APBB2: variants seen among roughly 807,000 people sequenced by gnomAD.
APBB2 encodes the protein Fe65-like 1.
A neutral mutation model predicts 82.5 loss-of-function variants in APBB2; 38 were observed. The ratio of observed to expected loss-of-function variants is 0.46; its 90% CI spans 0.36 to 0.60. The LOEUF is 0.60. APBB2 is among the 20% of genes least tolerant of loss of function. APBB2 has a pLI of 0.00. For synonymous variants in APBB2, 341 were observed against 368.2 expected, an observed-to-expected ratio of 0.93 and a Z score of 0.85; for missense variants, 772 against 972.3, an observed-to-expected ratio of 0.79 and a Z score of 2.74.
chr4:41,202,234 G>A lies in APBB2; in HGVS notation c.-417+12171C>T, dbSNP rs73810885. Among the ~76,000 whole-genome samples, 1,427 of 152,014 alleles carry A rather than the reference G, an allele frequency of 9.4e-3. 14 individuals carry two copies. Among genetic ancestry groups the A allele is most frequent in the African/African-American group, 0.032 (1,347 of 41,448 alleles). On this transcript the variant is annotated intron_variant, in intron 1 of 17. Transcript: ENST00000508593. ...AGTAACTCTCCATTCCTCCCTCCCCGCAACCTCTGGCAACTGCCATTCTAC... is the reference window on the plus strand; with the variant it reads ...AGTAACTCTCCATTCCTCCCTCCCCACAACCTCTGGCAACTGCCATTCTAC...
intron 6 of APBB2, among the ~76,000 whole-genome samples, chr4:40,984,584 T>G (rs1373744536): frequency 6.6e-6 from 1 of 152,134 alleles, no homozygotes; most frequent in Non-Finnish European, 1.5e-5. Flanking sequence ...AGAAATGGTT[T>G]TCTGGTTCAC....
chr4:41,118,065 T>C (rs1373103963), intron 2 of APBB2: 1 of 143,716 alleles, frequency 7.0e-6, no homozygotes, highest in East Asian at 2.0e-4. Flanking sequence ...AAAAAAAAAA[T>C]TAGCCAGGAG....
intron 6 of APBB2, among the ~76,000 whole-genome samples, chr4:40,965,204 T>C (rs1794385915): frequency 1.1e-5 from 1 of 92,294 alleles, no homozygotes; most frequent in African/African-American, 2.8e-5. Context: ...AGTAAACAAG[T>C]AAGTCCATTA....
At chr4:41,005,556 T>C (rs1374853431) in intron 6 of APBB2, among the ~76,000 whole-genome samples, 1 of 152,192 alleles carries the variant, frequency 6.6e-6, no homozygotes, top group Non-Finnish European at 1.5e-5. Context: ...GGGGGCTGCA[T>C]GCCCACCTCC....
Position 40,882,459 on chromosome 4 carries a change from G to A in APBB2, c.1529+7905C>T, listed in dbSNP as rs555034826. Among the ~76,000 whole-genome samples the A allele has an allele frequency of 7.9e-5, 12 of 152,334 alleles. No homozygotes were observed. The East Asian group carries it at 1.5e-3, about 20-fold the overall frequency. On this transcript the variant is annotated intron_variant, in intron 12 of 17. Coordinates refer to ENST00000508593, the MANE Select transcript of APBB2 (RefSeq NM_004307.2). ...CTGTGCTGGAATCTCTGAAGAAGCC[G>A]TGTGATGAAGCCAGTTCTGCATTTC...
intron 5 of APBB2, among the ~76,000 whole-genome samples, chr4:41,017,708 A>T (rs1196030446): frequency 2.0e-5 from 3 of 152,184 alleles, no homozygotes; most frequent in African/African-American, 7.2e-5. Flanking sequence ...GGGGCTGCCT[A>T]CCAGGGCCCC....
intron 10 of APBB2, among the ~76,000 whole-genome samples, chr4:40,894,491 CAG>C (rs1161171892): frequency 6.6e-6 from 1 of 152,112 alleles, no homozygotes; most frequent in African/African-American, 2.4e-5. Context: ...TTTCTAATAA[CAG>C]AGAAGCAAGG....
Position 40,983,093 on chromosome 4 carries a change from TG to T in APBB2, c.835+30489del, listed in dbSNP as rs1469254828. ...GAGCACTTACCATGAATTAACTAGA[TG>T]CTGTTCTAAGTACTTCATGTCTATT... On this transcript the variant is annotated intron_variant, in intron 6 of 17. Transcript: ENST00000508593. Among the ~76,000 whole-genome samples, 3 of 152,200 alleles carry T rather than the reference TG, an allele frequency of 2.0e-5. No homozygotes were observed. The East Asian group carries it at 5.8e-4, about 29-fold the overall frequency.
Position 40,931,796 on chromosome 4 carries a change from G to GC in APBB2, c.1254+2659dup, listed in dbSNP as rs755476832. On this transcript the variant is annotated intron_variant, in intron 10 of 17. Coordinates refer to ENST00000508593, the MANE Select transcript of APBB2 (RefSeq NM_004307.2). ...CTGATTATTCTCTTATATTTTCTGT[G>GC]CCCTTTTTTTTTTTTTAAAGTGTTT... Among the ~76,000 whole-genome samples, 7 of 149,092 alleles carry GC rather than the reference G, an allele frequency of 4.7e-5. No homozygotes were observed. In the East Asian group the frequency reaches 5.9e-4, roughly 12 times the overall value.
chr4:40,918,763 TTTTTTTTGTTTGTTTG>T (rs1264417768), intron 10 of APBB2, among the ~76,000 whole-genome samples: 2 of 144,784 alleles, frequency 1.4e-5, no homozygotes, highest in African/African-American at 5.5e-5. Flanking sequence ...TTCTCTGTTT[TTTTTTTTGTTTGTTTG>T]TTTTTGTTTT....
chr4:40,906,406 A>G (rs1402347347), intron 10 of APBB2, among the ~76,000 whole-genome samples: 3 of 147,336 alleles, frequency 2.0e-5, no homozygotes, highest in African/African-American at 7.6e-5. Flanking sequence ...GGCAGAGGCT[A>G]CAGTGAGCTG....
intron 2 of APBB2, among the ~76,000 whole-genome samples, chr4:41,109,331 G>A (rs983218885): frequency 6.7e-6 from 1 of 150,124 alleles, no homozygotes; most frequent in East Asian, 2.0e-4. Context: ...TTGCTCTGTC[G>A]CCAGGCTGGA....
chr4:40,829,472 G>A (rs745956583), intron 13 of APBB2, among the ~76,000 whole-genome samples: 11 of 152,194 alleles, frequency 7.2e-5, no homozygotes, highest in Non-Finnish European at 1.5e-4. Context: ...AACACAGCAA[G>A]GCTTCAAGTG....
intron 6 of APBB2, among the ~76,000 whole-genome samples, chr4:41,004,267 C>T (rs983401599): frequency 1.3e-5 from 2 of 152,090 alleles, no homozygotes; most frequent in African/African-American, 2.4e-5. Context: ...ATTTGTTACA[C>T]CAGCCGTAAG....
At chr4:41,204,327 C>T (rs1308019329) in intron 1 of APBB2, among the ~76,000 whole-genome samples, 1 of 152,146 alleles carries the variant, frequency 6.6e-6, no homozygotes, top group Non-Finnish European at 1.5e-5. Flanking sequence ...AGGCAGTGTA[C>T]AGTAGAAACA....
At chr4:41,088,510 A>G (rs1180135951) in intron 3 of APBB2, among the ~76,000 whole-genome samples, 1 of 152,236 alleles carries the variant, frequency 6.6e-6, no homozygotes, top group African/African-American at 2.4e-5. Flanking sequence ...ATTTTCAATT[A>G]TCCTGGGAAG....
chr4:41,140,614 G>A (rs766674236), intron 2 of APBB2, among the ~76,000 whole-genome samples: 5 of 152,122 alleles, frequency 3.3e-5, no homozygotes, highest in Non-Finnish European at 7.4e-5. Context: ...ACCAGTCTGT[G>A]GCCTGTTAGG....
chr4:41,105,594 C>A (rs1347432268), intron 2 of APBB2, among the ~76,000 whole-genome samples: 1 of 152,086 alleles, frequency 6.6e-6, no homozygotes, highest in Non-Finnish European at 1.5e-5. Flanking sequence ...TAATAATTAA[C>A]CAAATATTGG....
intron 10 of APBB2, among the ~76,000 whole-genome samples, chr4:40,907,377 A>ATTTT (rs1777245642): frequency 3.5e-4 from 10 of 28,274 alleles, no homozygotes; most frequent in African/African-American, 1.9e-3. Flanking sequence ...ATATATATAT[A>ATTTT]TATTTTTTTT....
Sources: allele counts gnomAD v4.1 joint callset (sites outside exome capture counted in the v4.1 genomes callset), GRCh38; gene constraint gnomAD v4.1.1; transcripts MANE v1.5; gene names NCBI Gene and HGNC (gene_info 2026-07-23, HGNC 2026-07-21).